SPPL2A: variants seen among roughly 807,000 people sequenced by gnomAD.
The protein encoded by SPPL2A is signal peptide peptidase like 2A, also known as signal peptide peptidase-like 2A.
In SPPL2A, 51 loss-of-function variants were observed where a neutral mutation model predicts 63.8. The observed-to-expected ratio is 0.80, with a 90% confidence interval of 0.64 to 1.01. SPPL2A has a LOEUF of 1.01. Ranked by LOEUF, SPPL2A falls within the 50% of genes least tolerant of loss-of-function variation. The pLI is 0.00. For missense variants in SPPL2A, 553 were observed against 622.7 expected, an observed-to-expected ratio of 0.89 and a Z score of 1.19; for synonymous variants, 188 against 205.8, an observed-to-expected ratio of 0.91 and a Z score of 0.74.
intron 1 of SPPL2A, among the ~76,000 whole-genome samples, chr15:50,751,357 C>T (rs1312818413): frequency 6.6e-6 from 1 of 152,172 alleles, no homozygotes; most frequent in East Asian, 1.9e-4. Flanking sequence ...GAGACTCAGA[C>T]AAGTCACTAA....
rs1337557829 is a variant in SPPL2A, at chr15:50,702,472, A to G, written c.*5328T>C. On this transcript the variant is annotated 3_prime_UTR_variant, in exon 15 of 15. Transcript: ENST00000261854. The stretch of plus-strand genomic sequence containing the variant: ...CACTAACTTACATATCAAAGTGTTA[A>G]AAAAGAAATTCCACACTCAAACCAA... The G allele has an allele frequency of 6.6e-6, 1 of 152,196 alleles. No individual in the cohort carries two copies. Among genetic ancestry groups the G allele is most frequent in the Non-Finnish European group, 1.5e-5 (1 of 68,032 alleles). 9.4% of individuals were successfully genotyped at this position (152,196 alleles called of 1,614,324 possible).
chr15:50,724,699 G>A (rs571806983), intron 12 of SPPL2A, among the ~76,000 whole-genome samples: 2 of 152,154 alleles, frequency 1.3e-5, no homozygotes, highest in African/African-American at 2.4e-5. Context: ...AGAGCAGTGA[G>A]GAAAGTAAGG....
intron 14 of SPPL2A, among the ~76,000 whole-genome samples, chr15:50,717,524 T>C (rs1266451317): frequency 6.6e-6 from 1 of 152,170 alleles, no homozygotes; most frequent in Non-Finnish European, 1.5e-5. Context: ...CCCTTAATTT[T>C]CTAGATTTCT....
chr15:50,749,491 T>G (rs1414136418), intron 2 of SPPL2A, 145 bp downstream of exon 2: 4 of 606,660 alleles, frequency 6.6e-6, no homozygotes. Context: ...TTTCACCGTG[T>G]TAGCCAGGAT....
chr15:50,737,944 T>G (rs2062785032), intron 6 of SPPL2A, among the ~76,000 whole-genome samples: 1 of 152,022 alleles, frequency 6.6e-6, no homozygotes, highest in African/African-American at 2.4e-5. Flanking sequence ...TGGTGCCAGA[T>G]GCCTGTAATC....
chr15:50,740,498 G>A (rs1011688847), intron 5 of SPPL2A, among the ~76,000 whole-genome samples: 1 of 150,810 alleles, frequency 6.6e-6, no homozygotes, highest in Non-Finnish European at 1.5e-5. Flanking sequence ...ACTTGTGGAT[G>A]TTTATATTAC....
chr15:50,762,779 C>A (rs1463360189), intron 1 of SPPL2A, among the ~76,000 whole-genome samples: 1 of 148,760 alleles, frequency 6.7e-6, no homozygotes, highest in African/African-American at 2.5e-5. Context: ...GTCACACAGG[C>A]TGGAGTGCAG....
intron 6 of SPPL2A, among the ~76,000 whole-genome samples, chr15:50,739,247 C>A (rs1315377897): frequency 4.9e-5 from 7 of 143,750 alleles, no homozygotes; most frequent in African/African-American, 1.8e-4. Context: ...GGCGCAATGT[C>A]GGCTCACTGC....
At chr15:50,760,409 C>T (rs2062999655) in intron 1 of SPPL2A, among the ~76,000 whole-genome samples, 1 of 152,040 alleles carries the variant, frequency 6.6e-6, no homozygotes, top group African/African-American at 2.4e-5. Flanking sequence ...TACAGGCACC[C>T]ACCACCGTGC....
At chr15:50,719,844 A>C (rs2062630289) in intron 14 of SPPL2A, 96 bp downstream of exon 14, 2 of 808,936 alleles carry the variant, frequency 2.5e-6, no homozygotes, top group Non-Finnish European at 4.0e-6. Context: ...ACTTTTTGGT[A>C]CATAAAAGCT....
At chr15:50,762,826 G>A (rs1035061963) in intron 1 of SPPL2A, among the ~76,000 whole-genome samples, 3 of 150,042 alleles carry the variant, frequency 2.0e-5, no homozygotes, top group East Asian at 2.0e-4. Context: ...TCTGCCTCCC[G>A]GGTTCAAGCA....
At chr15:50,747,952 C>A (rs2062872364) in intron 4 of SPPL2A, 161 bp downstream of exon 4, 4 of 455,326 alleles carry the variant, frequency 8.8e-6, no homozygotes, top group Non-Finnish European at 1.6e-5. Flanking sequence ...ACACTTGGTG[C>A]CAAATGAGAG....
Position 50,760,797 on chromosome 15 carries a change from C to G in SPPL2A, c.66+4671G>C, listed in dbSNP as rs1184606543. 5.9e-5 allele frequency among the ~76,000 whole-genome samples: 9 copies of G among 152,196 alleles called. No individual in the cohort carries two copies. The East Asian group carries it at 1.7e-3, about 29-fold the overall frequency. On this transcript the variant is annotated intron_variant, in intron 1 of 14. Transcript: ENST00000261854. ...GGGTAGCAGAACATACCTACTTTCC[C>G]TTGGAGGTTGAGAGAACAGAGCAGA... is the stretch of plus-strand genomic sequence containing the variant.
At chr15:50,723,930 G>A (rs1328127594) in intron 12 of SPPL2A, among the ~76,000 whole-genome samples, 1 of 152,072 alleles carries the variant, frequency 6.6e-6, no homozygotes, top group East Asian at 1.9e-4. Context: ...AAATATTTTT[G>A]TTTTAGACCT....
chr15:50,730,675 T>C (rs571681466), intron 10 of SPPL2A, among the ~76,000 whole-genome samples: 1 of 152,354 alleles, frequency 6.6e-6, no homozygotes, highest in East Asian at 1.9e-4. Flanking sequence ...TTTTATTTTT[T>C]TTATTGTCTA....
intron 6 of SPPL2A, 52 bp from the exon 7 acceptor site, chr15:50,736,792 G>A (rs1567159609): frequency 3.4e-6 from 3 of 884,014 alleles, no homozygotes; most frequent in South Asian, 1.4e-5. Flanking sequence ...AAGGTGATAA[G>A]AAAATATTTA....
chr15:50,755,738 GC>G (rs1369362063), intron 1 of SPPL2A, among the ~76,000 whole-genome samples: 3 of 150,082 alleles, frequency 2.0e-5, no homozygotes, highest in Non-Finnish European at 4.4e-5. Context: ...GTTTTAACAA[GC>G]CCTTCTGGAG....
chr15:50,756,606 G>GAC (rs2062959502), intron 1 of SPPL2A, among the ~76,000 whole-genome samples: 1 of 151,628 alleles, frequency 6.6e-6, no homozygotes, highest in Non-Finnish European at 1.5e-5. Flanking sequence ...CTAAAAGGGG[G>GAC]TGGGCATGGT....
chr15:50,711,199 T>C (rs547466175), intron 14 of SPPL2A, among the ~76,000 whole-genome samples: 2 of 149,492 alleles, frequency 1.3e-5, no homozygotes, highest in African/African-American at 5.0e-5. Flanking sequence ...ATTTCCAAAT[T>C]AGTATCCTTT....
Sources: allele counts gnomAD v4.1 joint callset (sites outside exome capture counted in the v4.1 genomes callset), GRCh38; gene constraint gnomAD v4.1.1; transcripts MANE v1.5; gene names NCBI Gene and HGNC (gene_info 2026-07-23, HGNC 2026-07-21).